Variants in FNIP2 observed in about 807,000 individuals in gnomAD.
FNIP2 encodes folliculin interacting protein 2, also known as folliculin-interacting protein 2.
In FNIP2, 32 loss-of-function variants were observed where a neutral mutation model predicts 108.7. The ratio of observed to expected loss-of-function variants is 0.29; its 90% CI spans 0.22 to 0.40. The LOEUF is 0.40. FNIP2 is among the 10% of genes least tolerant of loss of function. FNIP2 has a pLI of 1.00. For missense variants in FNIP2, 1,202 were observed against 1,381.6 expected, an observed-to-expected ratio of 0.87 and a Z score of 2.06; for synonymous variants, 480 against 496.7, an observed-to-expected ratio of 0.97 and a Z score of 0.45.
Position 158,868,821 on chromosome 4 carries a change from T to C in FNIP2, c.2185T>C (p.Ser729Pro). ...GATTGGAAGCTTTGCATCTCCAGAG[T>C]CTGACTTTGAAAGCCGCATGAAAAA... Reference protein sequence around the residue: ...FQIGSFASPESDFESRMKKME... With the variant: ...FQIGSFASPEPDFESRMKKME... The change falls in exon 13 of 17, where the codon TCT becomes CCT. Residue 729 changes from serine (S) to proline (P), a missense_variant. This residue lies in a region of FNIP2 where 878 missense variants were observed against 990.3 expected (regional missense o/e 0.89). Transcript: ENST00000264433. This position sits in a 1 kb window ranked among gnomAD's most constrained non-coding sequence, Gnocchi z 4.6. 2 of 1,613,536 alleles carry C rather than the reference T, an allele frequency of 1.2e-6. No individual in the cohort carries two copies. Among genetic ancestry groups the C allele is most frequent in the Non-Finnish European group, 1.7e-6 (2 of 1,179,854 alleles).
At chr4:158,789,661 G>A (rs1386363614) in intron 1 of FNIP2, among the ~76,000 whole-genome samples, 3 of 152,190 alleles carry the variant, frequency 2.0e-5, no homozygotes, top group South Asian at 2.1e-4. Context: ...TGAGGAGTTC[G>A]GTTCATGGAG....
At chr4:158,857,500 A>G (rs1032105810) in intron 8 of FNIP2, among the ~76,000 whole-genome samples, 2 of 152,244 alleles carry the variant, frequency 1.3e-5, no homozygotes, top group Non-Finnish European at 2.9e-5. Flanking sequence ...TGTAGCATTT[A>G]TAACAGCACC....
intron 1 of FNIP2, among the ~76,000 whole-genome samples, chr4:158,786,395 C>T (rs569493689): frequency 1.3e-5 from 2 of 152,192 alleles, no homozygotes; most frequent in South Asian, 2.1e-4. Context: ...ATAGTAAAAA[C>T]GTTAATTGCA....
intron 14 of FNIP2, among the ~76,000 whole-genome samples, chr4:158,890,573 A>G (rs1782228587): frequency 6.6e-6 from 1 of 152,230 alleles, no homozygotes; most frequent in South Asian, 2.1e-4. Flanking sequence ...ATTACAGGTA[A>G]CCATGGTCCA....
intron 1 of FNIP2, among the ~76,000 whole-genome samples, chr4:158,818,621 A>G (rs1187407351): frequency 1.3e-5 from 2 of 152,212 alleles, no homozygotes; most frequent in African/African-American, 4.8e-5. Flanking sequence ...CCCTGGAGGA[A>G]GTATTATGTA....
intron 12 of FNIP2, 80 bp downstream of exon 12, chr4:158,861,856 C>G (rs1780318667): frequency 2.7e-6 from 4 of 1,476,496 alleles, no homozygotes; most frequent in East Asian, 2.3e-5. Flanking sequence ...TTTATACCGG[C>G]TCTCTCACCC....
intron 10 of FNIP2, among the ~76,000 whole-genome samples, chr4:158,860,165 A>C (rs1240892750): frequency 6.6e-6 from 1 of 152,144 alleles, no homozygotes; most frequent in Non-Finnish European, 1.5e-5. Flanking sequence ...GTGGAAAGGT[A>C]AATTGTGTTG....
chr4:158,859,848 T>C (rs1008272111), intron 10 of FNIP2, among the ~76,000 whole-genome samples, 182 bp downstream of exon 10: 5 of 152,214 alleles, frequency 3.3e-5, no homozygotes, highest in Admixed American at 6.5e-5. Flanking sequence ...CGCTGAGTAA[T>C]CCTCACTATT....
At chr4:158,845,644 C>G (rs949903363) in intron 7 of FNIP2, among the ~76,000 whole-genome samples, 1 of 152,222 alleles carries the variant, frequency 6.6e-6, no homozygotes, top group Non-Finnish European at 1.5e-5. Context: ...TCAGAAGGCC[C>G]TGCCATTCAG....
chr4:158,891,735 A>G (rs537371881), intron 15 of FNIP2, 89 bp downstream of exon 15: 312 of 1,249,976 alleles, frequency 2.5e-4, no homozygotes, highest in Non-Finnish European at 3.3e-4. Flanking sequence ...ATTCAAAAGT[A>G]CTGTTTTAAT....
At chr4:158,872,105 G>A in intron 14 of FNIP2, 1 of 985,220 alleles carries the variant, frequency 1.0e-6, no homozygotes, top group South Asian at 4.7e-5. Flanking sequence ...TTCTGACAGA[G>A]GTACCAAGAG....
intron 14 of FNIP2, among the ~76,000 whole-genome samples, chr4:158,882,868 G>C (rs928912238): frequency 6.6e-6 from 1 of 152,060 alleles, no homozygotes; most frequent in East Asian, 1.9e-4. Context: ...GCGGAAGGCC[G>C]CAGGGTCTTC....
chr4:158,905,966 T>C lies in FNIP2; in HGVS notation c.*1422T>C. The stretch of plus-strand genomic sequence containing the variant: ...TTTGAACCTAAGATTATGAAGTAAT[T>C]TCCCTATTAGGGACTAGAATGACTT... On this transcript the variant is annotated 3_prime_UTR_variant, in exon 17 of 17. Transcript: ENST00000264433. 6.6e-6 allele frequency: 1 copy of C among 152,234 alleles called. No individual in the cohort carries two copies. The highest frequency in any genetic ancestry group is 1.5e-5 in the Non-Finnish European group (1 of 68,038). The allele number at this position is 152,234 out of a possible 1,614,324, so 9.4% of individuals were successfully genotyped here.
At chr4:158,873,512 A>G (rs1379696054) in intron 14 of FNIP2, among the ~76,000 whole-genome samples, 1 of 152,160 alleles carries the variant, frequency 6.6e-6, no homozygotes, top group Non-Finnish European at 1.5e-5. Context: ...CCTGGCTCTA[A>G]ATGTACACTT....
At position 158,903,843 on chromosome 4, in the gene FNIP2, C is replaced by T. The variant is rs144927187; in HGVS notation, c.3267-623C>T. Among the ~76,000 whole-genome samples, 4 of 152,202 alleles carry T rather than the reference C, an allele frequency of 2.6e-5. No individual in the cohort carries two copies. The East Asian group carries it at 5.8e-4, about 22-fold the overall frequency. On this transcript the variant is annotated intron_variant, in intron 16 of 16. Coordinates refer to ENST00000264433, the MANE Select transcript of FNIP2 (RefSeq NM_020840.3). Reference sequence around the variant, plus strand: ...CATGACACCTGGCATCATTTTTAGCCAGTGCCCATACTGTATCCACCTCTG... The same window carrying T: ...CATGACACCTGGCATCATTTTTAGCTAGTGCCCATACTGTATCCACCTCTG...
At chr4:158,821,889 A>G (rs1471139639) in intron 1 of FNIP2, among the ~76,000 whole-genome samples, 2 of 152,124 alleles carry the variant, frequency 1.3e-5, no homozygotes, top group Non-Finnish European at 2.9e-5. Flanking sequence ...GGAGTTTGAG[A>G]CCAGCCTGGG....
Position 158,868,677 on chromosome 4 carries a change from G to T in FNIP2, c.2041G>T (p.Ala681Ser), listed in dbSNP as rs1408882575. 6.2e-7 allele frequency: 1 copy of T among 1,614,036 alleles called. No homozygotes were observed. Among genetic ancestry groups the T allele is most frequent in the Non-Finnish European group, 8.5e-7 (1 of 1,179,900 alleles). Reference protein sequence around the residue: ...LGAGMKMDQQAVCELLKVEMP... With the variant: ...LGAGMKMDQQSVCELLKVEMP... The stretch of plus-strand genomic sequence containing the variant: ...GGCAGGAATGAAGATGGACCAGCAA[G>T]CTGTCTGTGAGCTGTTGAAAGTGGA... The change falls in exon 13 of 17, where the codon GCT becomes TCT. Residue 681 changes from alanine (A) to serine (S), a missense_variant. This residue lies in a region of FNIP2 where 878 missense variants were observed against 990.3 expected (regional missense o/e 0.89). Transcript: ENST00000264433. The surrounding 1 kb of genome is among the most constrained non-coding windows in gnomAD (Gnocchi z 4.6).
chr4:158,869,275 A>T lies in FNIP2; in HGVS notation c.2639A>T (p.Asn880Ile). 6.2e-7 allele frequency: 1 copy of T among 1,614,022 alleles called. No individual in the cohort carries two copies. The highest frequency in any genetic ancestry group is 8.5e-7 in the Non-Finnish European group (1 of 1,179,890). ...TGTGGGGATGACAACAAGAAGGCCA[A>T]CTTCAGGACTGAAGGAGACATTCCC... ...IPCGDDNKKA[N>I]FRTEGDIPRN... Residue 880 changes from asparagine (N) to isoleucine (I), a missense_variant, in exon 13 of 17, where the codon AAC becomes ATC. Asn to Ile is a moderately radical substitution (Grantham distance 149). Around this residue, in one of 5 missense-constraint regions of FNIP2, gnomAD observed 878 missense variants for 990.3 expected, o/e 0.89. Coordinates refer to ENST00000264433, the MANE Select transcript of FNIP2 (RefSeq NM_020840.3).
At chr4:158,784,681 A>G (rs1776158763) in intron 1 of FNIP2, among the ~76,000 whole-genome samples, 1 of 152,158 alleles carries the variant, frequency 6.6e-6, no homozygotes. Flanking sequence ...AGTTCATAAT[A>G]GGGTTCGCAC....
Sources: gnomAD v4.1 joint callset for allele counts (sites outside exome capture counted in the v4.1 genomes callset) on GRCh38, gnomAD v4.1.1 for gene constraint, gnomAD v4.1.1 regional missense constraint, Gnocchi (gnomAD v3.1) non-coding constraint, MANE v1.5 for transcripts, NCBI Gene and HGNC (gene_info 2026-07-23, HGNC 2026-07-21) for gene names.